Variants in MICAL2 observed in about 807,000 individuals in gnomAD.
MICAL2 encodes the protein microtubule associated monooxygenase, calponin and LIM domain containing 2.
In MICAL2, 77 loss-of-function variants were observed where a neutral mutation model predicts 127.3. The ratio of observed to expected loss-of-function variants is 0.60; its 90% confidence interval spans 0.50 to 0.73. The LOEUF (loss-of-function observed/expected upper bound fraction) is 0.73, where lower values mean the gene tolerates loss of function less well. Ranked by LOEUF, MICAL2 falls within the 30% of genes least tolerant of loss-of-function variation. MICAL2 has a pLI of 0.00. For synonymous variants in MICAL2, 570 were observed against 551.1 expected (o/e 1.03, Z -0.48); for missense variants, 1,351 against 1,434.4 (o/e 0.94, Z 0.94).
chr11:12,113,660 T>C lies in MICAL2; in HGVS notation c.-149+2934T>C, dbSNP rs1849771775. On this transcript the variant is annotated intron_variant, in intron 1 of 27. Coordinates refer to ENST00000683283, the MANE Select transcript of MICAL2 (RefSeq NM_001282663.2). The stretch of plus-strand genomic sequence containing the variant: ...CACATTTACATCGCTTTTATTATAG[T>C]ATATTGTTATAATTGTTCTATTTTA... Among the ~76,000 whole-genome samples, 5 of 152,364 alleles carry C rather than the reference T, an allele frequency of 3.3e-5. No homozygotes were observed. In the South Asian group the frequency reaches 1.0e-3, roughly 32 times the overall value.
intron 16 of MICAL2, among the ~76,000 whole-genome samples, 170 bp from the exon 17 acceptor site, chr11:12,239,266 T>C (rs987137913): frequency 6.6e-6 from 1 of 152,192 alleles, no homozygotes; most frequent in Non-Finnish European, 1.5e-5. Context: ...GCATCCCTCC[T>C]GTGAGCATTG....
chr11:12,275,176 G>A (rs1329632504), upstream of MICAL2, among the ~76,000 whole-genome samples: 4 of 152,200 alleles, frequency 2.6e-5, no homozygotes, highest in Non-Finnish European at 4.4e-5. Context: ...CTGAGAGGGG[G>A]AAGGCTATGG....
chr11:12,125,129 C>T (rs1382355117), intron 1 of MICAL2, among the ~76,000 whole-genome samples: 1 of 152,258 alleles, frequency 6.6e-6, no homozygotes, highest in Non-Finnish European at 1.5e-5. Flanking sequence ...TCTGGCTAGC[C>T]TGGGATCTGT....
intron 1 of MICAL2, among the ~76,000 whole-genome samples, chr11:12,124,917 C>G (rs1259867743): frequency 1.3e-5 from 2 of 152,262 alleles, no homozygotes; most frequent in African/African-American, 4.8e-5. Flanking sequence ...TTTTCCTCCA[C>G]AGTTCCTGTG....
chr11:12,291,923 A>G (rs1039200298), downstream of MICAL2, among the ~76,000 whole-genome samples: 3 of 152,134 alleles, frequency 2.0e-5, no homozygotes, highest in East Asian at 1.9e-4. Flanking sequence ...AATGGTTATT[A>G]GACTTCTCAC....
At chr11:12,260,139 G>A (rs1862897643) in intron 26 of MICAL2, 1 of 1,529,900 alleles carries the variant, frequency 6.5e-7, no homozygotes, top group Admixed American at 2.0e-5. Flanking sequence ...TCTGCAACTG[G>A]GTGCTCAGGT....
intron 21 of MICAL2, among the ~76,000 whole-genome samples, chr11:12,248,693 G>A (rs947804417): frequency 6.6e-6 from 1 of 152,208 alleles, no homozygotes; most frequent in African/African-American, 2.4e-5. Context: ...GATTTGCATA[G>A]TAGAGAGAAA....
chr11:12,124,391 T>A (rs1193704619), intron 1 of MICAL2, among the ~76,000 whole-genome samples: 1 of 152,200 alleles, frequency 6.6e-6, no homozygotes, highest in African/African-American at 2.4e-5. Flanking sequence ...CTAAGACGCC[T>A]TTCTGAAGCT....
At chr11:12,283,084 C>T (rs1406184577) in intron 2 of MICAL2, among the ~76,000 whole-genome samples, 1 of 152,172 alleles carries the variant, frequency 6.6e-6, no homozygotes, top group Non-Finnish European at 1.5e-5. Flanking sequence ...CTTCATCAGT[C>T]ATTGTTTTAT....
At chr11:12,248,460 G>T (rs547241757) in intron 21 of MICAL2, among the ~76,000 whole-genome samples, 203 of 152,300 alleles carry the variant, frequency 1.3e-3, no homozygotes, top group African/African-American at 4.7e-3. Context: ...CCATGGAATG[G>T]CTATTGGCTG....
rs1255115820 is a variant in MICAL2 at position 12,209,520 on chromosome 11, C to T, written c.613C>T (p.Leu205Phe). 6.2e-7 allele frequency: 1 copy of T among 1,614,176 alleles called. No homozygotes were observed. Among genetic ancestry groups the T allele is most frequent in the Non-Finnish European group, 8.5e-7 (1 of 1,180,012 alleles). ...AGAAATTGGCTGGCGGGCAGAATTT[C>T]TCCCTACAGACCATTCTCTGTCGGA... is the stretch of plus-strand genomic sequence containing the variant. The part of the protein sequence containing the change: ...NQKIGWRAEF[L>F]PTDHSLSEFE... The change falls in exon 6 of 28, where the codon CTC (leucine) becomes TTC (phenylalanine). Residue 205 changes from leucine to phenylalanine, a missense_variant. This residue lies in a region of MICAL2 where 599 missense variants were observed against 714.9 expected (regional missense o/e 0.84). Transcript: ENST00000683283.
chr11:12,203,915 C>T (rs1174658012), intron 3 of MICAL2, among the ~76,000 whole-genome samples: 5 of 152,180 alleles, frequency 3.3e-5, no homozygotes, highest in African/African-American at 1.2e-4. Flanking sequence ...AGTAGACCCA[C>T]ACAGATAAGG....
chr11:12,180,242 T>C (rs1194963392), intron 3 of MICAL2, among the ~76,000 whole-genome samples: 1 of 152,050 alleles, frequency 6.6e-6, no homozygotes, highest in Non-Finnish European at 1.5e-5. Context: ...AAGAGACACC[T>C]TGAGGGAGGG....
At chr11:12,213,497 G>C (rs561245865) in intron 7 of MICAL2, 87 bp downstream of exon 7, 1 of 1,385,042 alleles carries the variant, frequency 7.2e-7, no homozygotes, top group Non-Finnish European at 9.8e-7. Flanking sequence ...GGCTTTCTGG[G>C]CTCTTGGGCC....
At chr11:12,299,607 T>A (rs1864023234) in intron 29 of MICAL2, among the ~76,000 whole-genome samples, 1 of 152,240 alleles carries the variant, frequency 6.6e-6, no homozygotes, top group African/African-American at 2.4e-5. Context: ...TAATGCTAGT[T>A]ATCATTCTTG....
intron 17 of MICAL2, among the ~76,000 whole-genome samples, chr11:12,240,444 T>C (rs1359300614): frequency 1.3e-5 from 2 of 152,226 alleles, no homozygotes; most frequent in African/African-American, 2.4e-5. Context: ...GAGGCAACCA[T>C]AGATGTCTCC....
At chr11:12,292,915 C>T (rs1565295854), downstream of MICAL2, among the ~76,000 whole-genome samples, 2 of 152,060 alleles carry the variant, frequency 1.3e-5, no homozygotes, top group Non-Finnish European at 2.9e-5. Context: ...CCCTAGAGTC[C>T]ACTCATGTTC....
intron 32 of MICAL2, among the ~76,000 whole-genome samples, chr11:12,337,417 T>C (rs1938785966): frequency 6.6e-6 from 1 of 152,182 alleles, no homozygotes; most frequent in Non-Finnish European, 1.5e-5. Flanking sequence ...CCTGGATTCA[T>C]TGATTTTTTG....
At position 12,262,223 on chromosome 11, in the gene MICAL2, G is replaced by C. The variant is rs532048002; in HGVS notation, c.3335-257G>C. 4 of 1,365,906 alleles carry C rather than the reference G, an allele frequency of 2.9e-6. No homozygotes were observed. The South Asian group carries it at 6.4e-5, about 22-fold the overall frequency. 84.6% of individuals were successfully genotyped at this position (1,365,906 alleles called of 1,614,324 possible). The stretch of plus-strand genomic sequence containing the variant: ...GAATGGGAGACGCTAGAGTAAAATG[G>C]GGGCAGAGAGGATATCAGGGAGCAA... On this transcript the variant is annotated intron_variant, in intron 26 of 27. Coordinates refer to ENST00000683283, the MANE Select transcript of MICAL2 (RefSeq NM_001282663.2).
Sources: allele counts gnomAD v4.1 joint callset (sites outside exome capture counted in the v4.1 genomes callset), GRCh38; gene constraint gnomAD v4.1.1; regional missense constraint gnomAD v4.1.1; transcripts MANE v1.5; gene names NCBI Gene and HGNC (gene_info 2026-07-23, HGNC 2026-07-21).